Variants in DIAPH2 observed in about 807,000 individuals in gnomAD.
DIAPH2 encodes the protein diaphanous related formin 2.
DIAPH2 carries 35 observed loss-of-function variants against 92.7 expected under a neutral mutation model. The observed-to-expected ratio is 0.38, with a 90% CI of 0.29 to 0.50. The LOEUF (loss-of-function observed/expected upper bound fraction) is 0.50, where lower values mean the gene tolerates loss of function less well. Ranked by LOEUF, DIAPH2 falls within the 20% of genes least tolerant of loss-of-function variation. The pLI is 0.94. For missense variants in DIAPH2, 701 were observed against 819.5 expected (o/e 0.86, Z 1.77); for synonymous variants, 301 against 280.4 (o/e 1.07, Z -0.73).
intron 22 of DIAPH2, among the ~76,000 whole-genome samples, chrX:97,208,018 G>A (rs1214241254): frequency 9.0e-6 from 1 of 110,921 alleles, no homozygotes; most frequent in Non-Finnish European, 1.9e-5. Context: ...CAGGCATGGT[G>A]GAGCACATCT....
At chrX:97,286,543 G>T (rs1443274608) in intron 23 of DIAPH2, among the ~76,000 whole-genome samples, 1 of 111,359 alleles carries the variant, frequency 9.0e-6, no homozygotes, top group Non-Finnish European at 1.9e-5. Context: ...ATTTCCTTCA[G>T]CTTGCCACTT....
intron 17 of DIAPH2, among the ~76,000 whole-genome samples, chrX:97,058,094 T>G (rs781556256): frequency 8.9e-6 from 1 of 111,835 alleles, no homozygotes; most frequent in East Asian, 2.8e-4. Context: ...TCTCATTCCA[T>G]TATATGTATT....
At chrX:97,399,683 T>G (rs765940698) in intron 25 of DIAPH2, among the ~76,000 whole-genome samples, 1 of 112,303 alleles carries the variant, frequency 8.9e-6, no homozygotes, top group South Asian at 3.7e-4. Flanking sequence ...TCAGTTTCTA[T>G]TTGAAAGGCA....
At chrX:97,371,755 T>C (rs924559178) in intron 24 of DIAPH2, among the ~76,000 whole-genome samples, 3 of 111,750 alleles carry the variant, frequency 2.7e-5, no homozygotes, top group Non-Finnish European at 5.6e-5. Context: ...TCTAAGATGG[T>C]GACAGTATTA....
At chrX:97,258,867 T>G (rs1602457027) in intron 23 of DIAPH2, among the ~76,000 whole-genome samples, 1 of 42,510 alleles carries the variant, frequency 2.4e-5, no homozygotes, top group Non-Finnish European at 3.9e-5. Flanking sequence ...CGAGACTCCG[T>G]CTCAAAAAAA....
At chrX:97,396,936 G>A (rs932038793) in intron 25 of DIAPH2, among the ~76,000 whole-genome samples, 11 of 111,884 alleles carry the variant, frequency 9.8e-5, no homozygotes, top group African/African-American at 2.6e-4. Context: ...ACACAGGACC[G>A]TATGTAGCAT....
At chrX:97,334,859 T>G (rs1339382257) in intron 23 of DIAPH2, among the ~76,000 whole-genome samples, 3 of 107,360 alleles carry the variant, frequency 2.8e-5, no homozygotes, top group Non-Finnish European at 5.8e-5. Flanking sequence ...CAGGCGCCTG[T>G]AATCCCAGCT....
chrX:96,884,734 G>A (rs865958206), intron 5 of DIAPH2: 3 of 1,207,958 alleles, frequency 2.5e-6, no homozygotes, highest in African/African-American at 3.5e-5. Flanking sequence ...GAGCCTTGAG[G>A]TATTGAAAAT....
At position 96,747,387 on chromosome X, in the gene DIAPH2, A is replaced by G. The variant is rs899127083; in HGVS notation, c.342+8625A>G. ...ATGAGGCTAGTAATGATTTATGATT[A>G]ACCTCTAGCCATATTTCATTTCAAC... On this transcript the variant is annotated intron_variant, in intron 3 of 26. Transcript: ENST00000324765. 8.0e-5 allele frequency among the ~76,000 whole-genome samples: 9 copies of G among 112,258 alleles called. No individual in the cohort carries two copies. The East Asian group carries it at 2.2e-3, about 28-fold the overall frequency.
At chrX:97,340,985 AGT>A (rs2069108950) in intron 23 of DIAPH2, 1 of 92,514 alleles carries the variant, frequency 1.1e-5, no homozygotes, top group Non-Finnish European at 2.2e-5. Context: ...TTTTATAGTA[AGT>A]TTTTTTTTTT....
At chrX:97,274,153 C>A (rs2068417059) in intron 23 of DIAPH2, among the ~76,000 whole-genome samples, 1 of 108,943 alleles carries the variant, frequency 9.2e-6, no homozygotes. Flanking sequence ...TTTATCAGTT[C>A]ATCAGGAACA....
intron 23 of DIAPH2, among the ~76,000 whole-genome samples, chrX:97,264,435 A>T (rs2090988304): frequency 9.6e-6 from 1 of 104,016 alleles, no homozygotes; most frequent in African/African-American, 3.7e-5. Flanking sequence ...AGACACACAG[A>T]CACACACACA....
chrX:97,540,881 T>C (rs2071134743), intron 26 of DIAPH2, among the ~76,000 whole-genome samples: 1 of 111,942 alleles, frequency 8.9e-6, no homozygotes, highest in African/African-American at 3.2e-5. Flanking sequence ...TCATCAGTTA[T>C]AGATAGTTAA....
intron 26 of DIAPH2, among the ~76,000 whole-genome samples, chrX:97,576,395 T>C (rs756968777): frequency 6.0e-4 from 67 of 111,700 alleles, no homozygotes; most frequent in Non-Finnish European, 1.1e-3. Flanking sequence ...GAAATTTTGC[T>C]ACTTACCAAA....
intron 4 of DIAPH2, among the ~76,000 whole-genome samples, chrX:96,813,090 C>T (rs900030441): frequency 9.0e-6 from 1 of 111,293 alleles, no homozygotes; most frequent in Non-Finnish European, 1.9e-5. Flanking sequence ...AACCTGCTGT[C>T]TCATTGATCT....
chrX:96,939,423 T>C, intron 12 of DIAPH2, 41 bp downstream of exon 12: 1 of 593,348 alleles, frequency 1.7e-6, no homozygotes, highest in Non-Finnish European at 2.7e-6. Context: ...ATAATTTGAA[T>C]CGGATATTAA....
At chrX:97,523,008 A>G (rs1385397296) in intron 26 of DIAPH2, among the ~76,000 whole-genome samples, 1 of 111,895 alleles carries the variant, frequency 8.9e-6, no homozygotes, top group East Asian at 2.8e-4. Context: ...AGGTGTTGCT[A>G]TTTCCTTTCA....
chrX:97,503,182 C>T (rs749047415), intron 26 of DIAPH2, among the ~76,000 whole-genome samples: 4 of 112,051 alleles, frequency 3.6e-5, no homozygotes, highest in Non-Finnish European at 5.6e-5. Context: ...AGACATTTTA[C>T]TAAGTGCTGA....
intron 26 of DIAPH2, among the ~76,000 whole-genome samples, chrX:97,516,986 T>C (rs751276166): frequency 5.1e-4 from 57 of 112,733 alleles, no homozygotes; most frequent in Non-Finnish European, 9.7e-4. Context: ...AAATTATGTA[T>C]ATTCAAGGTG....
Sources: gnomAD v4.1 joint callset for allele counts (sites outside exome capture counted in the v4.1 genomes callset) on GRCh38, gnomAD v4.1.1 for gene constraint, MANE v1.5 for transcripts, NCBI Gene and HGNC (gene_info 2026-07-23, HGNC 2026-07-21) for gene names.